The following SLC24A2 variants were observed in gnomAD, a reference collection of about 807,000 sequenced individuals.
SLC24A2 encodes solute carrier family 24 member 2.
SLC24A2 carries 36 observed loss-of-function variants against 62.0 expected under a neutral mutation model. The observed-to-expected ratio is 0.58, with a 90% CI of 0.44 to 0.77. The LOEUF is 0.77. Among genes scored for constraint, SLC24A2 ranks in the 30% least tolerant of loss-of-function variants. SLC24A2 has a pLI of 0.00. For missense variants in SLC24A2, 846 were observed against 817.9 expected, an observed-to-expected ratio of 1.03 and a Z score of -0.42; for synonymous variants, 358 against 294.0, an observed-to-expected ratio of 1.22 and a Z score of -2.23.
chr9:19,651,083 G>A (rs1159631472), intron 2 of SLC24A2, among the ~76,000 whole-genome samples: 1 of 152,130 alleles, frequency 6.6e-6, no homozygotes, highest in Non-Finnish European at 1.5e-5. Context: ...AAGCTCAGAT[G>A]TAGACCTAAT....
chr9:19,516,484 A>G lies in SLC24A2; in HGVS notation c.1737-82T>C. 3 of 1,482,998 alleles carry G rather than the reference A, an allele frequency of 2.0e-6. No homozygotes were observed. The South Asian group carries it at 3.6e-5, about 18-fold the overall frequency. The allele number at this position is 1,482,998 out of a possible 1,614,324, so 91.9% of individuals were successfully genotyped here. Reference sequence around the variant, plus strand: ...ACGTTGAAGAAGGCAAATATAACCTATTATTACCTTCTCAGGAACTCTAAA... The same window carrying G: ...ACGTTGAAGAAGGCAAATATAACCTGTTATTACCTTCTCAGGAACTCTAAA... On this transcript the variant is annotated intron_variant, in intron 10 of 10. Coordinates refer to ENST00000341998, the MANE Select transcript of SLC24A2 (RefSeq NM_020344.4).
chr9:19,616,063 G>A (rs1051069084), intron 4 of SLC24A2, among the ~76,000 whole-genome samples: 6 of 150,390 alleles, frequency 4.0e-5, no homozygotes, highest in East Asian at 1.9e-4. Context: ...AACATCTCTA[G>A]AAGGAGCTTC....
chr9:19,542,955 T>C (rs1202661261), intron 8 of SLC24A2, among the ~76,000 whole-genome samples: 3 of 152,186 alleles, frequency 2.0e-5, no homozygotes, highest in Non-Finnish European at 2.9e-5. Context: ...CCTTGTAAAA[T>C]GAGTTAGGGA....
chr9:19,548,402 T>C (rs890072214), intron 8 of SLC24A2, among the ~76,000 whole-genome samples: 2 of 152,224 alleles, frequency 1.3e-5, no homozygotes, highest in African/African-American at 4.8e-5. Flanking sequence ...TTAACTTCTT[T>C]GTGCCTAAGT....
At chr9:20,105,954 G>A in the SLC24A2 span, among the ~76,000 whole-genome samples, 8 of 152,074 alleles carry the variant, frequency 5.3e-5, no homozygotes, top group African/African-American at 1.9e-4. Flanking sequence ...CCGCTGGCAA[G>A]ACTAATAAAG....
At chr9:19,926,836 T>C in the SLC24A2 span, 1 of 152,306 alleles carries the variant, frequency 6.6e-6, no homozygotes, top group South Asian at 2.1e-4. Context: ...GTTTGATTTT[T>C]ACAAATGACT....
At chr9:19,573,527 CACAGAGAGAG>C (rs1318149206) in intron 6 of SLC24A2, 58 bp from the exon 7 acceptor site, 15 of 365,874 alleles carry the variant, frequency 4.1e-5, no homozygotes, top group African/African-American at 3.1e-4. Flanking sequence ...CACACACACA[CACAGAGAGAG>C]AGAGAGAGAG....
At chr9:19,931,293 T>C in the SLC24A2 span, among the ~76,000 whole-genome samples, 1 of 152,190 alleles carries the variant, frequency 6.6e-6, no homozygotes, top group Non-Finnish European at 1.5e-5. Flanking sequence ...AAAGAGTTAT[T>C]ATAATTGAGG....
the SLC24A2 span, among the ~76,000 whole-genome samples, chr9:20,095,509 G>A: frequency 3.3e-5 from 5 of 152,134 alleles, no homozygotes; most frequent in African/African-American, 1.2e-4. Flanking sequence ...CTAAAAATCT[G>A]AACTTTCTCC....
At chr9:20,166,104 G>A in the SLC24A2 span, among the ~76,000 whole-genome samples, 1 of 151,760 alleles carries the variant, frequency 6.6e-6, no homozygotes, top group East Asian at 1.9e-4. Flanking sequence ...CATCAGATTG[G>A]CAAAAATTCA....
At chr9:20,161,228 A>T in the SLC24A2 span, among the ~76,000 whole-genome samples, 2 of 151,486 alleles carry the variant, frequency 1.3e-5, no homozygotes, top group African/African-American at 4.8e-5. Context: ...TCTAGAGAAG[A>T]TACCAAAATT....
At chr9:20,071,598 G>T in the SLC24A2 span, among the ~76,000 whole-genome samples, 1 of 152,052 alleles carries the variant, frequency 6.6e-6, no homozygotes, top group Non-Finnish European at 1.5e-5. Flanking sequence ...TGGTGTTTCA[G>T]GAAAAACTCT....
the SLC24A2 span, among the ~76,000 whole-genome samples, chr9:20,131,714 G>C: frequency 3.3e-5 from 5 of 152,120 alleles, no homozygotes; most frequent in African/African-American, 1.2e-4. Context: ...GTTCAGGGAT[G>C]TGCTGGGCAT....
At chr9:20,195,382 T>A in the SLC24A2 span, among the ~76,000 whole-genome samples, 94 of 152,314 alleles carry the variant, frequency 6.2e-4, no homozygotes, top group African/African-American at 2.1e-3. Context: ...TCAGCAAACA[T>A]CTAAGTGTGT....
the SLC24A2 span, among the ~76,000 whole-genome samples, chr9:19,931,516 A>G: frequency 6.6e-6 from 1 of 152,240 alleles, no homozygotes. Flanking sequence ...TACAAACATC[A>G]TACTGACATA....
At chr9:19,930,038 G>A in the SLC24A2 span, 1 of 152,104 alleles carries the variant, frequency 6.6e-6, no homozygotes, top group African/African-American at 2.4e-5. Context: ...AAAAATTACA[G>A]CGTTTATAAA....
At chr9:19,909,790 C>T in the SLC24A2 span, among the ~76,000 whole-genome samples, 1 of 152,046 alleles carries the variant, frequency 6.6e-6, no homozygotes, top group Non-Finnish European at 1.5e-5. Context: ...TTTTCAATTG[C>T]TTTCAGCTCA....
At chr9:20,143,308 T>C in the SLC24A2 span, among the ~76,000 whole-genome samples, 4 of 152,032 alleles carry the variant, frequency 2.6e-5, no homozygotes, top group African/African-American at 9.7e-5. Context: ...TCTTGGGCCA[T>C]AGAGAAAAGA....
the SLC24A2 span, among the ~76,000 whole-genome samples, chr9:20,066,579 C>G: frequency 2.6e-5 from 4 of 152,194 alleles, no homozygotes; most frequent in Non-Finnish European, 5.9e-5. Context: ...TTCTGTCCAT[C>G]TGCACAGCCC....
Sources: allele counts gnomAD v4.1 joint callset (sites outside exome capture counted in the v4.1 genomes callset), GRCh38; gene constraint gnomAD v4.1.1; transcripts MANE v1.5; gene names NCBI Gene and HGNC (gene_info 2026-07-23, HGNC 2026-07-21).